IL1RAPL2: variants seen among roughly 807,000 people sequenced by gnomAD.
IL1RAPL2 encodes the protein interleukin 1 receptor accessory protein like 2.
In IL1RAPL2, 3 loss-of-function variants were observed where a neutral mutation model predicts 44.1. The ratio of observed to expected loss-of-function variants is 0.07; its 90% CI spans 0.03 to 0.18. IL1RAPL2 has a LOEUF of 0.18. Ranked by LOEUF, IL1RAPL2 falls within the 10% of genes least tolerant of loss-of-function variation. The pLI, the probability that IL1RAPL2 is intolerant of heterozygous loss-of-function variation, is 1.00. For missense variants in IL1RAPL2, 391 were observed against 496.4 expected (o/e 0.79, Z 2.02); for synonymous variants, 181 against 178.8 (o/e 1.01, Z -0.10).
chrX:105,194,515 G>A (rs1225015762), intron 2 of IL1RAPL2, among the ~76,000 whole-genome samples: 2 of 111,532 alleles, frequency 1.8e-5, no homozygotes, highest in Admixed American at 9.6e-5. Flanking sequence ...ATTTTTAACC[G>A]TTCTGGAAAA....
intron 1 of IL1RAPL2, among the ~76,000 whole-genome samples, chrX:104,585,306 T>TTATATAATATATATTATATATTATATAA (rs1928510350): frequency 4.7e-5 from 1 of 21,157 alleles, no homozygotes; most frequent in Non-Finnish European, 6.8e-5. Flanking sequence ...ATATTATATA[T>TTATATAATATATATTATATATTATATAA]TATATAATAT....
At chrX:104,932,453 T>C (rs1026638262) in intron 2 of IL1RAPL2, among the ~76,000 whole-genome samples, 1 of 111,733 alleles carries the variant, frequency 8.9e-6, no homozygotes, top group Admixed American at 9.5e-5. Context: ...TCAAGTTCAT[T>C]ATTTGAAGCA....
intron 2 of IL1RAPL2, among the ~76,000 whole-genome samples, chrX:104,888,503 C>A (rs1316065811): frequency 9.0e-6 from 1 of 111,308 alleles, no homozygotes; most frequent in East Asian, 2.8e-4. Context: ...TCTTCCAGAG[C>A]ACCAGTTTTA....
At chrX:104,887,322 A>G (rs1461369337) in intron 2 of IL1RAPL2, among the ~76,000 whole-genome samples, 1 of 112,020 alleles carries the variant, frequency 8.9e-6, no homozygotes, top group East Asian at 2.8e-4. Flanking sequence ...ACACGGCAAA[A>G]CTTCTCTTTA....
intron 2 of IL1RAPL2, among the ~76,000 whole-genome samples, chrX:104,944,432 G>A (rs908667643): frequency 1.8e-5 from 2 of 111,744 alleles, no homozygotes; most frequent in Admixed American, 9.5e-5. Flanking sequence ...TCTGAAAATA[G>A]ATCTTTTACA....
At chrX:104,636,917 C>A (rs769253011) in intron 1 of IL1RAPL2, among the ~76,000 whole-genome samples, 1 of 111,632 alleles carries the variant, frequency 9.0e-6, no homozygotes, top group Non-Finnish European at 1.9e-5. Flanking sequence ...GCAGAAATCT[C>A]CCCTCTTCTG....
At chrX:105,368,304 T>A (rs2035311250) in intron 5 of IL1RAPL2, among the ~76,000 whole-genome samples, 1 of 111,551 alleles carries the variant, frequency 9.0e-6, no homozygotes, top group Non-Finnish European at 1.9e-5. Flanking sequence ...CTTTCTGCCA[T>A]AAGTGGAAGC....
intron 1 of IL1RAPL2, among the ~76,000 whole-genome samples, chrX:104,588,255 C>T (rs753568802): frequency 9.0e-6 from 1 of 110,808 alleles, no homozygotes. Flanking sequence ...TTAAGTTTAT[C>T]ATCTCTACTT....
chrX:105,107,778 A>G (rs907973492), intron 2 of IL1RAPL2, among the ~76,000 whole-genome samples: 4 of 111,750 alleles, frequency 3.6e-5, no homozygotes, highest in African/African-American at 1.3e-4. Context: ...ATCCATTATC[A>G]CGTCACTGAA....
chrX:105,229,447 TTGTCAGCATCTATTCACA>T (rs782108536), intron 3 of IL1RAPL2, among the ~76,000 whole-genome samples: 251 of 112,112 alleles, frequency 2.2e-3, no homozygotes, highest in Non-Finnish European at 3.5e-3. Context: ...ACAAAGCAGT[TTGTCAGCATCTATTCACA>T]TGTCAGCATC....
chrX:105,036,877 A>G (rs1020448175), intron 2 of IL1RAPL2, among the ~76,000 whole-genome samples: 1 of 105,243 alleles, frequency 9.5e-6, no homozygotes, highest in Non-Finnish European at 1.9e-5. Flanking sequence ...AAGCTCATAG[A>G]TGTCTACATA....
intron 6 of IL1RAPL2, among the ~76,000 whole-genome samples, chrX:105,716,129 C>A (rs188041196): frequency 3.4e-4 from 37 of 109,988 alleles, no homozygotes; most frequent in Middle Eastern, 9.2e-3. Flanking sequence ...AATTAACCAC[C>A]ATGATGTTGC....
At chrX:104,669,452 T>C (rs1930551188) in intron 2 of IL1RAPL2, among the ~76,000 whole-genome samples, 2 of 111,332 alleles carry the variant, frequency 1.8e-5, no homozygotes, top group South Asian at 7.7e-4. Flanking sequence ...CATTTTCTCC[T>C]TGTTACTCTT....
At position 104,615,774 on chromosome X, in the gene IL1RAPL2, C is replaced by T. The variant is rs1432339455; in HGVS notation, c.-19-43121C>T. ...AAGACTGCTGGGTCAAATGGTATTT[C>T]TGGTTCTAGATCTTTGAGAAATCAC... On this transcript the variant is annotated intron_variant, in intron 1 of 10. Coordinates refer to ENST00000372582, the MANE Select transcript of IL1RAPL2 (RefSeq NM_017416.2). 3.6e-5 allele frequency among the ~76,000 whole-genome samples: 4 copies of T among 112,165 alleles called. No individual in the cohort carries two copies. The East Asian group carries it at 1.1e-3, about 31-fold the overall frequency.
chrX:104,694,146 C>T (rs1427210279), intron 2 of IL1RAPL2, among the ~76,000 whole-genome samples: 1 of 111,943 alleles, frequency 8.9e-6, no homozygotes, highest in African/African-American at 3.2e-5. Context: ...TATCTGCACA[C>T]AGACTTGCCA....
In IL1RAPL2 at chrX:105,035,134, C is replaced by G. The variant is rs1005860973; in HGVS notation, c.83-160341C>G. ...GGGAGTGACCCAATTTTCCAGGTGCCGTCTGTCACCCCTTTCTTTGACTAG... is the reference window on the plus strand; with the variant it reads ...GGGAGTGACCCAATTTTCCAGGTGCGGTCTGTCACCCCTTTCTTTGACTAG... On this transcript the variant is annotated intron_variant, in intron 2 of 10. Transcript: ENST00000372582. 4.5e-5 allele frequency among the ~76,000 whole-genome samples: 5 copies of G among 111,396 alleles called. No homozygotes were observed. In the Admixed American group the frequency reaches 4.7e-4, roughly 11 times the overall value.
intron 4 of IL1RAPL2, among the ~76,000 whole-genome samples, chrX:105,238,420 T>C (rs1556204269): frequency 8.9e-6 from 1 of 111,798 alleles, no homozygotes; most frequent in Non-Finnish European, 1.9e-5. Context: ...ATCATAAATG[T>C]ACTTATTTGG....
intron 2 of IL1RAPL2, among the ~76,000 whole-genome samples, chrX:104,660,515 T>C (rs1166286192): frequency 2.8e-5 from 3 of 106,398 alleles, no homozygotes; most frequent in Non-Finnish European, 5.8e-5. Flanking sequence ...TTGCTTATTA[T>C]ATAAGAGAAG....
chrX:104,960,765 A>G (rs1024249197), intron 2 of IL1RAPL2, among the ~76,000 whole-genome samples: 2 of 110,616 alleles, frequency 1.8e-5, no homozygotes, highest in African/African-American at 6.6e-5. Flanking sequence ...ATTACAGACT[A>G]CATACTGCAA....
Sources: allele counts gnomAD v4.1 joint callset (sites outside exome capture counted in the v4.1 genomes callset), GRCh38; gene constraint gnomAD v4.1.1; transcripts MANE v1.5; gene names NCBI Gene and HGNC (gene_info 2026-07-23, HGNC 2026-07-21).